Variants in TTC7B observed in about 807,000 individuals in gnomAD.
The protein encoded by TTC7B is tetratricopeptide repeat protein 7B.
A neutral mutation model predicts 106.8 loss-of-function variants in TTC7B; 28 were observed. The observed-to-expected ratio is 0.26, with a 90% CI of 0.19 to 0.36. The LOEUF (loss-of-function observed/expected upper bound fraction) is 0.36, where lower values mean the gene tolerates loss of function less well. TTC7B is among the 10% of genes least tolerant of loss of function. TTC7B has a pLI of 1.00. For synonymous variants in TTC7B, 405 were observed against 430.6 expected (o/e 0.94, Z 0.74); for missense variants, 862 against 1,076.4 (o/e 0.80, Z 2.79).
At chr14:90,548,111 G>A (rs531328501) in intron 19 of TTC7B, among the ~76,000 whole-genome samples, 19 of 152,334 alleles carry the variant, frequency 1.2e-4, no homozygotes, top group Non-Finnish European at 2.4e-4. Context: ...CCAGGGCATG[G>A]CTGATGGGCA....
intron 5 of TTC7B, among the ~76,000 whole-genome samples, chr14:90,713,523 T>C (rs936304088): frequency 6.6e-6 from 1 of 152,168 alleles, no homozygotes; most frequent in Non-Finnish European, 1.5e-5. Flanking sequence ...ACAAACTTAC[T>C]AGAATGGCTC....
chr14:90,797,449 C>A (rs2029952843), intron 1 of TTC7B, among the ~76,000 whole-genome samples: 1 of 150,536 alleles, frequency 6.6e-6, no homozygotes, highest in South Asian at 2.1e-4. Flanking sequence ...CAGAGTGAGA[C>A]TTAGTCTAAA....
chr14:90,606,355 G>A (rs945549503), intron 17 of TTC7B, among the ~76,000 whole-genome samples: 6 of 152,004 alleles, frequency 3.9e-5, no homozygotes, highest in Admixed American at 3.3e-4. Context: ...ACATGGCAAC[G>A]GGGAGACCAC....
chr14:90,706,651 A>G (rs1289704170), intron 5 of TTC7B, among the ~76,000 whole-genome samples: 2 of 152,172 alleles, frequency 1.3e-5, no homozygotes, highest in Non-Finnish European at 2.9e-5. Context: ...AAACTATCCT[A>G]TATTTGACCC....
Position 90,759,510 on chromosome 14 carries a change from A to G in TTC7B, c.446-14588T>C, listed in dbSNP as rs1055240129. On this transcript the variant is annotated intron_variant, in intron 3 of 19. Transcript: ENST00000328459. The surrounding 1 kb of genome is among the most constrained non-coding windows in gnomAD (Gnocchi z 4.1). ...AAGAATAAAAACTACAGCGGCCACC[A>G]CCACACATTGCAGAGGCGAAAACTG... is the stretch of plus-strand genomic sequence containing the variant. 4.4e-4 allele frequency among the ~76,000 whole-genome samples: 67 copies of G among 152,322 alleles called. No homozygotes were observed. The highest frequency in any genetic ancestry group is 1.5e-3 in the African/African-American group (64 of 41,576).
intron 5 of TTC7B, among the ~76,000 whole-genome samples, chr14:90,702,362 T>C (rs973028728): frequency 2.6e-5 from 4 of 152,162 alleles, no homozygotes; most frequent in Non-Finnish European, 4.4e-5. Context: ...ACCCACCTCA[T>C]TGAGTAACTG....
intron 6 of TTC7B, among the ~76,000 whole-genome samples, chr14:90,695,056 T>A (rs1566840720): frequency 0.039 from 4,541 of 117,942 alleles, 53 homozygotes; most frequent in East Asian, 0.076. Context: ...AAAATATATT[T>A]TATTTTATTA....
intron 5 of TTC7B, among the ~76,000 whole-genome samples, chr14:90,702,389 G>C (rs183097040): frequency 1.3e-5 from 2 of 152,040 alleles, no homozygotes; most frequent in African/African-American, 4.8e-5. Context: ...CCTCACTGTC[G>C]TAAGAATTAA....
chr14:90,775,336 T>C (rs1890992333), intron 3 of TTC7B, among the ~76,000 whole-genome samples: 1 of 152,184 alleles, frequency 6.6e-6, no homozygotes, highest in Non-Finnish European at 1.5e-5. Flanking sequence ...TGCACAACCC[T>C]GTAAGGTAGA....
chr14:90,554,076 C>T (rs1890200975), intron 19 of TTC7B, among the ~76,000 whole-genome samples: 2 of 152,222 alleles, frequency 1.3e-5, no homozygotes, highest in South Asian at 4.1e-4. Context: ...ACTTGGCCCC[C>T]CATTTCCCCT....
At chr14:90,616,408 G>C (rs1893075001) in intron 16 of TTC7B, among the ~76,000 whole-genome samples, 1 of 152,182 alleles carries the variant, frequency 6.6e-6, no homozygotes, top group Non-Finnish European at 1.5e-5. Context: ...CAAAAGGGAA[G>C]AGGCCAGTCT....
At chr14:90,643,144 C>T (rs1449555540) in intron 15 of TTC7B, among the ~76,000 whole-genome samples, 1 of 152,188 alleles carries the variant, frequency 6.6e-6, no homozygotes, top group Non-Finnish European at 1.5e-5. Context: ...CACAGTGGCT[C>T]ATGCCTGTAA....
At chr14:90,633,481 T>A (rs1279666182) in intron 15 of TTC7B, among the ~76,000 whole-genome samples, 3 of 152,150 alleles carry the variant, frequency 2.0e-5, no homozygotes, top group Non-Finnish European at 4.4e-5. Context: ...AGTTCTTAAA[T>A]CCCACCATAA....
intron 3 of TTC7B, among the ~76,000 whole-genome samples, chr14:90,764,533 A>G (rs895703831): frequency 2.0e-5 from 3 of 152,164 alleles, no homozygotes; most frequent in Non-Finnish European, 4.4e-5. Flanking sequence ...AACCCACAAA[A>G]TTGTAGAAAA....
At chr14:90,810,137 G>GCTATTTATAGT (rs1321628110) in intron 1 of TTC7B, among the ~76,000 whole-genome samples, 5 of 152,086 alleles carry the variant, frequency 3.3e-5, no homozygotes. Context: ...CCCATGTGAG[G>GCTATTTATAGT]CTATTTATAG....
At chr14:90,560,077 C>T (rs1165726046) in intron 19 of TTC7B, among the ~76,000 whole-genome samples, 1 of 152,254 alleles carries the variant, frequency 6.6e-6, no homozygotes, top group Non-Finnish European at 1.5e-5. Flanking sequence ...GGCCATTTGG[C>T]ACCGTTCTTC....
At chr14:90,682,097 A>T (rs1227296055) in intron 7 of TTC7B, among the ~76,000 whole-genome samples, 1 of 152,208 alleles carries the variant, frequency 6.6e-6, no homozygotes, top group Admixed American at 6.5e-5. Flanking sequence ...TGCAACTAGG[A>T]TCTTGCAAAT....
intron 18 of TTC7B, among the ~76,000 whole-genome samples, chr14:90,580,172 T>G (rs1016232971): frequency 3.3e-5 from 5 of 152,360 alleles, no homozygotes; most frequent in Admixed American, 3.3e-4. Context: ...TGCTCCCTGC[T>G]GCGTCCCCAG....
At chr14:90,710,189 A>G (rs1448088174) in intron 5 of TTC7B, among the ~76,000 whole-genome samples, 1 of 152,152 alleles carries the variant, frequency 6.6e-6, no homozygotes, top group Non-Finnish European at 1.5e-5. Flanking sequence ...TCTAGCTCTC[A>G]TGAATGACTT....
Sources: allele counts gnomAD v4.1 joint callset (sites outside exome capture counted in the v4.1 genomes callset), GRCh38; gene constraint gnomAD v4.1.1; non-coding constraint Gnocchi (gnomAD v3.1); transcripts MANE v1.5; gene names NCBI Gene and HGNC (gene_info 2026-07-23, HGNC 2026-07-21).